Variants in CELF2 observed in about 807,000 individuals in gnomAD.
The protein encoded by CELF2 is CUG triplet repeat RNA-binding protein 2.
CELF2 carries 8 observed loss-of-function variants against 62.6 expected under a neutral mutation model. The observed-to-expected ratio is 0.13, with a 90% CI of 0.07 to 0.23. CELF2 has a LOEUF of 0.23. Among genes scored for constraint, CELF2 ranks in the 10% least tolerant of loss-of-function variants. The pLI, the probability that CELF2 is intolerant of heterozygous loss-of-function variation, is 1.00. For synonymous variants in CELF2, 258 were observed against 250.0 expected, an observed-to-expected ratio of 1.03 and a Z score of -0.30; for missense variants, 333 against 671.0, an observed-to-expected ratio of 0.50 and a Z score of 5.56.
intron 1 of CELF2, among the ~76,000 whole-genome samples, chr10:10,885,044 C>T (rs1225141002): frequency 2.0e-5 from 3 of 152,142 alleles, no homozygotes; most frequent in African/African-American, 7.2e-5. Context: ...GAGTTTGAGA[C>T]TAGCCTGGCC....
chr10:11,229,250 C>G (rs908601749), intron 3 of CELF2, among the ~76,000 whole-genome samples: 1 of 152,194 alleles, frequency 6.6e-6, no homozygotes, highest in African/African-American at 2.4e-5. Flanking sequence ...AATCCAGAAT[C>G]CAAATTTCCA....
Position 11,017,895 on chromosome 10 carries a change from C to T in CELF2, c.-195C>T, listed in dbSNP as rs1427565021. 5 of 962,708 alleles carry T rather than the reference C, an allele frequency of 5.2e-6. No homozygotes were observed. The highest frequency in any genetic ancestry group is 5.3e-4 in the Middle Eastern group (1 of 1,902). The allele number at this position is 962,708 out of a possible 1,614,324, so 59.6% of individuals were successfully genotyped here. On this transcript the variant is annotated 5_prime_UTR_variant, in exon 1 of 13. Transcript: ENST00000633077. The surrounding 1 kb of genome is among the most constrained non-coding windows in gnomAD (Gnocchi z 5.5). ...CCGCCCCCGCCCGCCGCACCTGGCG[C>T]TCGGCAGCCGGCCGCCCCGGCGCTG...
intron 1 of CELF2, among the ~76,000 whole-genome samples, chr10:11,134,521 CT>C (rs1298065774): frequency 6.6e-6 from 1 of 152,172 alleles, no homozygotes; most frequent in Non-Finnish European, 1.5e-5. Context: ...TGTGCTTGTC[CT>C]TCCAGTGCTG....
chr10:10,883,923 T>A (rs1439285855), intron 1 of CELF2, among the ~76,000 whole-genome samples: 5 of 151,670 alleles, frequency 3.3e-5, no homozygotes, highest in African/African-American at 1.2e-4. Flanking sequence ...CTCCTCCTCC[T>A]CCTTCTCCTC....
At chr10:11,196,700 G>A (rs1392454112) in intron 2 of CELF2, among the ~76,000 whole-genome samples, 3 of 151,672 alleles carry the variant, frequency 2.0e-5, no homozygotes, top group Non-Finnish European at 2.9e-5. Context: ...GCTCACACCT[G>A]TAATCCCAGC....
In CELF2 at chr10:10,879,740, G is replaced by A. The variant is rs116989621; in HGVS notation, c.54-40224G>A. On this transcript the variant is annotated intron_variant, in intron 1 of 13. Transcript: ENST00000636488. ...GAAATAAATGCTTTCTCTCTCCAGC[G>A]CACCTTGCTATCCCGACATCCTGTT... is the stretch of plus-strand genomic sequence containing the variant. Among the ~76,000 whole-genome samples, 1,005 of 152,132 alleles carry A rather than the reference G, an allele frequency of 6.6e-3. 12 individuals carry two copies. The highest frequency in any genetic ancestry group is 0.014 in the Middle Eastern group (4 of 294).
chr10:11,194,928 G>A (rs1422307220), intron 2 of CELF2, among the ~76,000 whole-genome samples: 1 of 152,226 alleles, frequency 6.6e-6, no homozygotes, highest in Admixed American at 6.5e-5. Flanking sequence ...TCAGGAAGGA[G>A]TGGAGGGGAG....
the CELF2 span, among the ~76,000 whole-genome samples, chr10:10,522,203 A>C: frequency 6.6e-6 from 1 of 152,204 alleles, no homozygotes; most frequent in East Asian, 1.9e-4. Context: ...AATACTTCGA[A>C]GTATTCTATG....
At position 10,928,620 on chromosome 10, in the gene CELF2, T is replaced by C. The variant is rs1284875779; in HGVS notation, c.89+8621T>C. ...TAGCCCCCAAACTGAAAATATTTACTGTTTACTTTTATAGAAAGGTTTGCT... is the reference window on the plus strand; with the variant it reads ...TAGCCCCCAAACTGAAAATATTTACCGTTTACTTTTATAGAAAGGTTTGCT... On this transcript the variant is annotated intron_variant, in intron 2 of 13. Transcript: ENST00000636488. This position sits in a 1 kb window ranked among gnomAD's most constrained non-coding sequence, Gnocchi z 4.8. Among the ~76,000 whole-genome samples, 1 of 152,198 alleles carries C rather than the reference T, an allele frequency of 6.6e-6. No homozygotes were observed. Among genetic ancestry groups the C allele is most frequent in the Non-Finnish European group, 1.5e-5 (1 of 68,032 alleles).
chr10:10,783,372 C>T, the CELF2 span, among the ~76,000 whole-genome samples: 1 of 152,048 alleles, frequency 6.6e-6, no homozygotes, highest in Admixed American at 6.6e-5. Context: ...AGGGAGAACC[C>T]ACAGAGGAGA....
chr10:10,489,178 A>G, the CELF2 span, among the ~76,000 whole-genome samples: 2 of 152,056 alleles, frequency 1.3e-5, no homozygotes, highest in African/African-American at 4.8e-5. Flanking sequence ...CATAACCTAC[A>G]CCCTACAGAA....
At chr10:11,116,014 T>C (rs1014850928) in intron 1 of CELF2, among the ~76,000 whole-genome samples, 1 of 152,228 alleles carries the variant, frequency 6.6e-6, no homozygotes, top group African/African-American at 2.4e-5. Context: ...TGGTGCTGTA[T>C]CTTGGTTTCC....
intron 2 of CELF2, among the ~76,000 whole-genome samples, chr10:11,206,981 A>AG (rs1275672039): frequency 4.6e-5 from 7 of 152,238 alleles, no homozygotes; most frequent in Non-Finnish European, 7.3e-5. Flanking sequence ...GGGGGAAAAA[A>AG]GGATGATGCT....
the CELF2 span, among the ~76,000 whole-genome samples, chr10:10,693,442 G>A: frequency 6.6e-6 from 1 of 151,252 alleles, no homozygotes; most frequent in Non-Finnish European, 1.5e-5. Context: ...TTGCATCAAT[G>A]TTCATCAAGG....
chr10:10,587,535 A>G, the CELF2 span, among the ~76,000 whole-genome samples: 12 of 152,138 alleles, frequency 7.9e-5, no homozygotes, highest in Non-Finnish European at 1.6e-4. Flanking sequence ...CATCTTTCAC[A>G]TAGCAATAAA....
rs56167230 is a variant in CELF2 at position 11,228,718 on chromosome 10, C to CA, written c.354+11238dup. On this transcript the variant is annotated intron_variant, in intron 3 of 12. Transcript: ENST00000633077. The stretch of plus-strand genomic sequence containing the variant: ...TCACAACCCCCACCCGCGCCCCTCG[C>CA]AAAAAAAAAAAAAAAAAAAAAAAAA... 5.3e-4 allele frequency among the ~76,000 whole-genome samples: 72 copies of CA among 135,164 alleles called. 1 individual carries two copies. The highest frequency in any genetic ancestry group is 2.1e-3 in the East Asian group (9 of 4,326). 88.7% of individuals were successfully genotyped at this position (135,164 alleles called of 152,430 possible).
intron 8 of CELF2, among the ~76,000 whole-genome samples, chr10:11,286,002 G>A (rs2091198959): frequency 6.6e-6 from 1 of 152,184 alleles, no homozygotes; most frequent in Non-Finnish European, 1.5e-5. Context: ...AGCCACGAAA[G>A]AGTTATAAAC....
Position 11,244,658 on chromosome 10 carries a change from C to A in CELF2, c.355-4495C>A, listed in dbSNP as rs1239114728. On this transcript the variant is annotated intron_variant, in intron 3 of 12. Coordinates refer to ENST00000633077, the MANE Select transcript of CELF2 (RefSeq NM_001326342.2). This position sits in a 1 kb window ranked among gnomAD's most constrained non-coding sequence, Gnocchi z 4.2. ...TAGGTGACAGAGCAAGACTCCGTCTCAAAAAAAAAAAAACAGCATAAAAAC... is the reference window on the plus strand; with the variant it reads ...TAGGTGACAGAGCAAGACTCCGTCTAAAAAAAAAAAAAACAGCATAAAAAC... Among the ~76,000 whole-genome samples the A allele has an allele frequency of 1.4e-4, 20 of 142,372 alleles. No homozygotes were observed. The highest frequency in any genetic ancestry group is 1.5e-4 in the African/African-American group (6 of 38,764). The allele number at this position is 142,372 out of a possible 152,430, so 93.4% of individuals were successfully genotyped here. A position where few individuals can be genotyped will look rare whatever the true frequency, so the allele number is the denominator to read the frequency against.
At chr10:10,577,364 TTTA>T in the CELF2 span, among the ~76,000 whole-genome samples, 186 of 141,398 alleles carry the variant, frequency 1.3e-3, 2 homozygotes, top group East Asian at 2.0e-3. Context: ...AACAAATCTT[TTTA>T]TTATTATTAT....
Sources: gnomAD v4.1 joint callset for allele counts (sites outside exome capture counted in the v4.1 genomes callset) on GRCh38, gnomAD v4.1.1 for gene constraint, Gnocchi (gnomAD v3.1) non-coding constraint, MANE v1.5 for transcripts, NCBI Gene and HGNC (gene_info 2026-07-23, HGNC 2026-07-21) for gene names.